NKAIN2: variants seen among roughly 807,000 people sequenced by gnomAD.
The protein encoded by NKAIN2 is sodium/potassium transporting ATPase interacting 2.
Under a neutral mutation model 32.6 loss-of-function variants are expected in NKAIN2, and 14 were observed. The observed-to-expected ratio is 0.43, with a 90% CI of 0.28 to 0.67. The LOEUF is 0.67. Ranked by LOEUF, NKAIN2 falls within the 30% of genes least tolerant of loss-of-function variation. The pLI is 0.17. For synonymous variants in NKAIN2, 80 were observed against 87.2 expected (o/e 0.92, Z 0.46); for missense variants, 198 against 258.3 (o/e 0.77, Z 1.60).
chr6:124,476,634 A>G (rs1483520366), intron 3 of NKAIN2, among the ~76,000 whole-genome samples: 1 of 152,144 alleles, frequency 6.6e-6, no homozygotes, highest in Admixed American at 6.6e-5. Context: ...AAGCAATGCT[A>G]AATGTATTGT....
At chr6:124,163,396 T>C (rs1412665939) in intron 1 of NKAIN2, among the ~76,000 whole-genome samples, 1 of 150,774 alleles carries the variant, frequency 6.6e-6, no homozygotes, top group East Asian at 1.9e-4. Flanking sequence ...CAAGAATGTC[T>C]CATTGATATT....
chr6:123,965,133 C>G (rs544041131), intron 1 of NKAIN2, among the ~76,000 whole-genome samples: 11 of 152,064 alleles, frequency 7.2e-5, no homozygotes, highest in Non-Finnish European at 1.6e-4. Flanking sequence ...TCCATCCACC[C>G]CCTGGCACTG....
chr6:124,362,372 GA>G (rs1241304757), intron 3 of NKAIN2, among the ~76,000 whole-genome samples: 1 of 152,064 alleles, frequency 6.6e-6, no homozygotes, highest in African/African-American at 2.4e-5. Flanking sequence ...CAACCAGTTG[GA>G]ATTTGGTCAG....
chr6:124,465,974 A>C lies in NKAIN2; in HGVS notation c.273+110627A>C, dbSNP rs189844087. Among the ~76,000 whole-genome samples, 110 of 152,262 alleles carry C rather than the reference A, an allele frequency of 7.2e-4. 1 individual carries two copies. The highest frequency in any genetic ancestry group is 2.4e-3 in the African/African-American group (100 of 41,562). ...TATCCCCTTTCCACTTTAGGAAAAA[A>C]TATATTAAATATAAAAACAAACTCA... On this transcript the variant is annotated intron_variant, in intron 3 of 6. Coordinates refer to ENST00000368417, the MANE Select transcript of NKAIN2 (RefSeq NM_001040214.3).
intron 1 of NKAIN2, among the ~76,000 whole-genome samples, chr6:123,830,816 G>T (rs977303077): frequency 5.9e-5 from 9 of 152,162 alleles, no homozygotes; most frequent in Non-Finnish European, 1.2e-4. Context: ...ACAGTACCTG[G>T]CAAGGGATTG....
chr6:124,530,745 T>G (rs988468270), intron 3 of NKAIN2, among the ~76,000 whole-genome samples: 6 of 152,162 alleles, frequency 3.9e-5, no homozygotes, highest in African/African-American at 1.4e-4. Context: ...ACTCCTAGTT[T>G]AACACCGAAG....
At position 124,735,953 on chromosome 6, in the gene NKAIN2, A is replaced by G. The variant is rs182553737; in HGVS notation, c.475-55386A>G. Among the ~76,000 whole-genome samples the G allele has an allele frequency of 1.2e-4, 18 of 152,016 alleles. No individual in the cohort carries two copies. The East Asian group carries it at 2.5e-3, about 21-fold the overall frequency. On this transcript the variant is annotated intron_variant, in intron 4 of 6. Transcript: ENST00000368417. ...AAGTATTCAAGTGAAAGGTAGAGCC[A>G]AATGTCTCTCGCTTTAAATCAAAAG... is the stretch of plus-strand genomic sequence containing the variant.
At chr6:124,478,049 A>G (rs1777301252) in intron 3 of NKAIN2, among the ~76,000 whole-genome samples, 1 of 151,930 alleles carries the variant, frequency 6.6e-6, no homozygotes, top group African/African-American at 2.4e-5. Context: ...ACAAAGCCAA[A>G]TATCTGCTAA....
intron 4 of NKAIN2, among the ~76,000 whole-genome samples, chr6:124,720,067 A>G (rs1775940603): frequency 6.6e-6 from 1 of 152,048 alleles, no homozygotes; most frequent in Non-Finnish European, 1.5e-5. Context: ...TTTTTTTCCT[A>G]GCAATCAAGA....
chr6:124,465,532 T>C (rs950711060), intron 3 of NKAIN2, among the ~76,000 whole-genome samples: 1 of 151,208 alleles, frequency 6.6e-6, no homozygotes, highest in African/African-American at 2.4e-5. Context: ...CTAATGTAGA[T>C]GACAGGTTGA....
chr6:124,742,776 C>T (rs369699232), intron 4 of NKAIN2, among the ~76,000 whole-genome samples: 160 of 151,872 alleles, frequency 1.1e-3, no homozygotes, highest in Admixed American at 3.5e-3. Flanking sequence ...CCATCACGCC[C>T]TTACCTAGGA....
chr6:124,005,446 T>C (rs1183870840), intron 1 of NKAIN2, among the ~76,000 whole-genome samples: 1 of 152,162 alleles, frequency 6.6e-6, no homozygotes, highest in Non-Finnish European at 1.5e-5. Flanking sequence ...TATATACTTA[T>C]ATGTGTATCA....
intron 4 of NKAIN2, among the ~76,000 whole-genome samples, chr6:124,661,134 T>C (rs757245652): frequency 2.0e-5 from 3 of 152,164 alleles, no homozygotes; most frequent in Non-Finnish European, 4.4e-5. Flanking sequence ...TACAGCAACG[T>C]TCCCCAAAGC....
At chr6:124,271,771 A>G (rs1794803844) in intron 1 of NKAIN2, among the ~76,000 whole-genome samples, 1 of 152,188 alleles carries the variant, frequency 6.6e-6, no homozygotes, top group Non-Finnish European at 1.5e-5. Context: ...AGTGATATGG[A>G]CAATGAAGTC....
intron 4 of NKAIN2, among the ~76,000 whole-genome samples, chr6:124,697,117 T>C (rs2114556136): frequency 6.6e-6 from 1 of 152,274 alleles, no homozygotes; most frequent in South Asian, 2.1e-4. Flanking sequence ...TTTTTAAAAA[T>C]TAAAGTGCAG....
chr6:124,818,655 A>G (rs1255067642), intron 6 of NKAIN2, among the ~76,000 whole-genome samples, 187 bp downstream of exon 6: 4 of 152,108 alleles, frequency 2.6e-5, no homozygotes, highest in African/African-American at 7.2e-5. Flanking sequence ...TATTTGACTT[A>G]TAAGAAATGC....
At chr6:124,393,044 C>G (rs961727373) in intron 3 of NKAIN2, among the ~76,000 whole-genome samples, 1 of 152,060 alleles carries the variant, frequency 6.6e-6, no homozygotes, top group African/African-American at 2.4e-5. Flanking sequence ...GATCTACATC[C>G]CTTTCCTTTT....
intron 1 of NKAIN2, among the ~76,000 whole-genome samples, chr6:124,235,858 A>T (rs544164155): frequency 6.6e-6 from 1 of 152,094 alleles, no homozygotes; most frequent in African/African-American, 2.4e-5. Context: ...CAGCCTCCCA[A>T]AGTGCTCAGA....
chr6:124,559,371 G>A (rs116067561), intron 3 of NKAIN2, among the ~76,000 whole-genome samples: 2 of 152,128 alleles, frequency 1.3e-5, no homozygotes, highest in African/African-American at 4.8e-5. Flanking sequence ...CATACAAGTT[G>A]TCTCAAAGAA....
Sources: allele counts gnomAD v4.1 joint callset (sites outside exome capture counted in the v4.1 genomes callset), GRCh38; gene constraint gnomAD v4.1.1; transcripts MANE v1.5; gene names NCBI Gene and HGNC (gene_info 2026-07-23, HGNC 2026-07-21).